Variants in ADAMTS3 observed in about 807,000 individuals in gnomAD.
The protein encoded by ADAMTS3 is A disintegrin and metalloproteinase with thrombospondin motifs 3.
A neutral mutation model predicts 129.0 loss-of-function variants in ADAMTS3; 73 were observed. That is an observed-to-expected ratio of 0.57 (90% CI 0.47 to 0.69). The LOEUF is 0.69. Among genes scored for constraint, ADAMTS3 ranks in the 30% least tolerant of loss-of-function variants. The probability of loss-of-function intolerance (pLI) is 0.00; values close to 1 mark genes in which losing one functional copy is unlikely to be tolerated. For missense variants in ADAMTS3, 1,457 were observed against 1,514.5 expected (o/e 0.96, Z 0.63); for synonymous variants, 477 against 510.8 (o/e 0.93, Z 0.89).
At chr4:72,424,651 G>T (rs998510746) in intron 3 of ADAMTS3, among the ~76,000 whole-genome samples, 1 of 151,956 alleles carries the variant, frequency 6.6e-6, no homozygotes, top group Admixed American at 6.6e-5. Context: ...TGTCATTGAG[G>T]ACCTTTCTCA....
At position 72,283,219 on chromosome 4, in the gene ADAMTS3, A is replaced by C. The variant is rs1267463607; in HGVS notation, c.3535T>G (p.Ser1179Ala). Residue 1179 changes from serine (S) to alanine (A), a missense_variant, in exon 22 of 22, where the codon TCT becomes GCT. Physicochemically the swap from Ser to Ala is moderately conservative, Grantham distance 99. Transcript: ENST00000286657. ...TTCTTTGAGGTTCTTGCCTGAGAAG[A>C]AGCACCTATTGAATCACTGGCTGCA... is the stretch of plus-strand genomic sequence containing the variant. ...FFAASDSIGA[S>A]SQARTSKKDG... is the part of the protein sequence containing the mutation. 1.9e-6 allele frequency: 3 copies of C among 1,613,842 alleles called. No homozygotes were observed. Among genetic ancestry groups the C allele is most frequent in the Non-Finnish European group, 2.5e-6 (3 of 1,179,930 alleles).
chr4:72,519,114 T>A (rs965890287), intron 3 of ADAMTS3, among the ~76,000 whole-genome samples: 1 of 151,848 alleles, frequency 6.6e-6, no homozygotes, highest in African/African-American at 2.4e-5. Flanking sequence ...TTTGGCTGGA[T>A]ATGAAATTCT....
intron 3 of ADAMTS3, among the ~76,000 whole-genome samples, chr4:72,548,040 G>A (rs1379003747): frequency 6.6e-6 from 1 of 152,164 alleles, no homozygotes; most frequent in Non-Finnish European, 1.5e-5. Flanking sequence ...TTAGAATTCT[G>A]TGAGGAAGCT....
intron 3 of ADAMTS3, among the ~76,000 whole-genome samples, chr4:72,526,911 A>G (rs1294033062): frequency 6.6e-6 from 1 of 151,786 alleles, no homozygotes; most frequent in African/African-American, 2.4e-5. Context: ...GAATGCAGGT[A>G]TCTGTGTCTT....
chr4:72,492,230 TTC>T (rs773614836), intron 3 of ADAMTS3, among the ~76,000 whole-genome samples: 11 of 151,716 alleles, frequency 7.3e-5, no homozygotes, highest in Admixed American at 2.6e-4. Context: ...GCTGATTTTT[TTC>T]TGTTTTTTTA....
intron 3 of ADAMTS3, among the ~76,000 whole-genome samples, chr4:72,487,567 T>C (rs182024548): frequency 3.9e-5 from 6 of 152,246 alleles, no homozygotes; most frequent in African/African-American, 1.2e-4. Flanking sequence ...CCATTACCTT[T>C]GGTTCCAGAT....
chr4:72,471,312 A>G (rs1302980125), intron 3 of ADAMTS3, among the ~76,000 whole-genome samples: 1 of 152,178 alleles, frequency 6.6e-6, no homozygotes, highest in African/African-American at 2.4e-5. Context: ...AAATGTCAAT[A>G]ATGCAATAAC....
At chr4:72,455,577 C>G (rs1385250688) in intron 3 of ADAMTS3, among the ~76,000 whole-genome samples, 1 of 140,466 alleles carries the variant, frequency 7.1e-6, no homozygotes, top group African/African-American at 2.7e-5. Flanking sequence ...AGCTATGCAA[C>G]AAACCTGCAC....
intron 2 of ADAMTS3, among the ~76,000 whole-genome samples, chr4:72,557,951 A>G (rs1402442435): frequency 6.6e-6 from 1 of 151,878 alleles, no homozygotes; most frequent in Non-Finnish European, 1.5e-5. Flanking sequence ...ATCATTAAGA[A>G]TCTTACAGAC....
At chr4:72,393,514 C>T (rs1267112592) in intron 4 of ADAMTS3, among the ~76,000 whole-genome samples, 2 of 152,140 alleles carry the variant, frequency 1.3e-5, no homozygotes, top group Non-Finnish European at 2.9e-5. Flanking sequence ...TCCCACCTCC[C>T]AATTACTATC....
At chr4:72,294,072 G>T (rs1718745698) in intron 19 of ADAMTS3, among the ~76,000 whole-genome samples, 1 of 151,884 alleles carries the variant, frequency 6.6e-6, no homozygotes, top group Non-Finnish European at 1.5e-5. Context: ...AAAAATACAA[G>T]AAAATCTTCC....
chr4:72,394,417 C>A (rs749064179), intron 4 of ADAMTS3, among the ~76,000 whole-genome samples: 2 of 152,214 alleles, frequency 1.3e-5, no homozygotes, highest in Admixed American at 6.5e-5. Flanking sequence ...ACAGGAAGCT[C>A]TTTGTGTCTT....
chr4:72,530,451 AT>A (rs1186126106), intron 3 of ADAMTS3, among the ~76,000 whole-genome samples: 4 of 89,732 alleles, frequency 4.5e-5, no homozygotes, highest in South Asian at 7.3e-4. Flanking sequence ...TTTAATATAT[AT>A]TATATATTAA....
At chr4:72,407,970 G>T (rs1722091469) in intron 4 of ADAMTS3, among the ~76,000 whole-genome samples, 2 of 152,044 alleles carry the variant, frequency 1.3e-5, no homozygotes, top group Non-Finnish European at 2.9e-5. Flanking sequence ...CCAAATTCAA[G>T]AAATTCCACT....
At chr4:72,414,643 T>A (rs946393924) in intron 4 of ADAMTS3, among the ~76,000 whole-genome samples, 172 bp downstream of exon 4, 2 of 152,020 alleles carry the variant, frequency 1.3e-5, no homozygotes, top group Non-Finnish European at 2.9e-5. Flanking sequence ...ATATACTCTA[T>A]GCATTTTTTA....
At chr4:72,358,720 A>C (rs1218057624) in intron 4 of ADAMTS3, among the ~76,000 whole-genome samples, 1 of 152,042 alleles carries the variant, frequency 6.6e-6, no homozygotes, top group Non-Finnish European at 1.5e-5. Flanking sequence ...GAAAGTAGCT[A>C]AAGCAATGAC....
intron 3 of ADAMTS3, among the ~76,000 whole-genome samples, chr4:72,479,634 G>A (rs1719366088): frequency 6.6e-6 from 1 of 152,136 alleles, no homozygotes; most frequent in Non-Finnish European, 1.5e-5. Flanking sequence ...ATAGGCATGG[G>A]CAAGGACTTC....
At chr4:72,552,493 G>A (rs774082940) in intron 2 of ADAMTS3, among the ~76,000 whole-genome samples, 29 of 152,148 alleles carry the variant, frequency 1.9e-4, no homozygotes, top group Non-Finnish European at 3.2e-4. Flanking sequence ...TTTGTGGGCC[G>A]TAAGTTCCAC....
chr4:72,416,603 CTAAT>C (rs1035368771), intron 3 of ADAMTS3, among the ~76,000 whole-genome samples: 4 of 152,142 alleles, frequency 2.6e-5, no homozygotes, highest in African/African-American at 9.7e-5. Context: ...CCTTATCTGA[CTAAT>C]TACTTTATAC....
Sources: gnomAD v4.1 joint callset for allele counts (sites outside exome capture counted in the v4.1 genomes callset) on GRCh38, gnomAD v4.1.1 for gene constraint, MANE v1.5 for transcripts, NCBI Gene and HGNC (gene_info 2026-07-23, HGNC 2026-07-21) for gene names.